TOP2A: variants seen among roughly 807,000 people sequenced by gnomAD.
TOP2A encodes DNA topoisomerase II alpha.
In TOP2A, 68 loss-of-function variants were observed where a neutral mutation model predicts 187.2. The observed-to-expected ratio is 0.36, with a 90% CI of 0.30 to 0.44. TOP2A has a LOEUF of 0.44. Ranked by LOEUF, TOP2A falls within the 20% of genes least tolerant of loss-of-function variation. The pLI, the probability that TOP2A is intolerant of heterozygous loss-of-function variation, is 1.00. For synonymous variants in TOP2A, 542 were observed against 593.2 expected (o/e 0.91, Z 1.25); for missense variants, 1,196 against 1,808.7 (o/e 0.66, Z 6.14).
rs778816213 is a variant in TOP2A, at chr17:40,396,431, A to G, written c.3572T>C (p.Val1191Ala). Reference sequence around the variant, plus strand: ...CTTCCCCCCTTTCCCAGGAAGTCCGACTTGTTCATCTTGTTTTTCCTTGGC... The same window carrying G: ...CTTCCCCCCTTTCCCAGGAAGTCCGGCTTGTTCATCTTGTTTTTCCTTGGC... ...VEAKEKQDEQ[V>A]GLPGKGGKAK... The change falls in exon 28 of 35, where the codon GTC (valine) becomes GCC (alanine). Residue 1191 changes from valine (V) to alanine (A), a missense_variant. By Grantham distance (64) the Val-to-Ala change is moderately conservative. Around this residue, in one of 10 missense-constraint regions of TOP2A, gnomAD observed 374 missense variants for 403.3 expected, o/e 0.93. Transcript: ENST00000423485. The G allele has an allele frequency of 1.9e-6, 3 of 1,613,832 alleles. No homozygotes were observed. The highest frequency in any genetic ancestry group is 2.5e-6 in the Non-Finnish European group (3 of 1,179,826).
intron 19 of TOP2A, 102 bp downstream of exon 19, chr17:40,404,050 C>G (rs1241219552): frequency 7.0e-7 from 1 of 1,434,052 alleles, no homozygotes; most frequent in Non-Finnish European, 9.3e-7. Context: ...TTGTTCTTTA[C>G]TATGAATATA....
At chr17:40,409,563 A>T (rs1240152262) in intron 10 of TOP2A, 5 of 402,544 alleles carry the variant, frequency 1.2e-5, no homozygotes, top group Non-Finnish European at 2.4e-5. Flanking sequence ...GTTCAAGACC[A>T]GCCTGGCCAA....
At chr17:40,400,480 G>T (rs778353666) in intron 22 of TOP2A, 49 bp downstream of exon 22, 7 of 1,600,726 alleles carry the variant, frequency 4.4e-6, no homozygotes. Context: ...TAGTACAAAA[G>T]GTATTTCTTT....
At position 40,413,295 on chromosome 17, in the gene TOP2A, G is replaced by A; in HGVS notation, c.479-3C>T. ...GGCTCCATAGCCATTTCGACCACCTGGGCAAATAAATATGAAACACTATTT... is the reference window on the plus strand; with the variant it reads ...GGCTCCATAGCCATTTCGACCACCTAGGCAAATAAATATGAAACACTATTT... On this transcript the variant is annotated splice_region_variant and splice_polypyrimidine_tract_variant and intron_variant, in intron 5 of 34. Transcript: ENST00000423485. 1 of 1,552,092 alleles carries A rather than the reference G, an allele frequency of 6.4e-7. No individual in the cohort carries two copies. The highest frequency in any genetic ancestry group is 8.7e-7 in the Non-Finnish European group (1 of 1,146,854).
intron 29 of TOP2A, among the ~76,000 whole-genome samples, chr17:40,393,326 CAAAAAAAGAA>C (rs1022969219): frequency 7.5e-5 from 11 of 146,128 alleles, no homozygotes; most frequent in East Asian, 6.0e-4. Context: ...AATCTTGTCT[CAAAAAAAGAA>C]AAAAAAAGAA....
chr17:40,390,307 G>C lies in TOP2A; in HGVS notation c.4268-143C>G, dbSNP rs2035006534. ...GGGTTCAAGCGATTCTCCTGCCTCA[G>C]CCTCCTGAGTAGCTGGGATTACAGG... On this transcript the variant is annotated intron_variant, in intron 33 of 34. Coordinates refer to ENST00000423485, the MANE Select transcript of TOP2A (RefSeq NM_001067.4). 5 of 740,922 alleles carry C rather than the reference G, an allele frequency of 6.7e-6. No homozygotes were observed. In the Admixed American group the frequency reaches 1.3e-4, roughly 19 times the overall value. The allele number at this position is 740,922 out of a possible 1,614,324, so 45.9% of individuals were successfully genotyped here.
At position 40,408,515 on chromosome 17, in the gene TOP2A, T is replaced by C; in HGVS notation, c.1319A>G (p.Lys440Arg). The C allele has an allele frequency of 6.2e-7, 1 of 1,613,442 alleles. No homozygotes were observed. Among genetic ancestry groups the C allele is most frequent in the Non-Finnish European group, 8.5e-7 (1 of 1,179,730 alleles). Reference protein sequence around the residue: ...VKHNRIKGIPKLDDANDAGGR... With the variant: ...VKHNRIKGIPRLDDANDAGGR... ...ACCTGCATCATTGGCATCATCGAGTTTGGGAATTCCCTTGATTCTATTATG... is the reference window on the plus strand; with the variant it reads ...ACCTGCATCATTGGCATCATCGAGTCTGGGAATTCCCTTGATTCTATTATG... Residue 440 changes from lysine to arginine, a missense_variant, in exon 11 of 35, where the codon AAA becomes AGA. Physicochemically the swap from Lys to Arg is conservative, Grantham distance 26. Coordinates refer to ENST00000423485, the MANE Select transcript of TOP2A (RefSeq NM_001067.4).
chr17:40,392,239 G>C lies in TOP2A; in HGVS notation c.4067C>G (p.Pro1356Arg). Reference protein sequence around the residue: ...EDFVPSDASPPKTKTSPKLSN... With the variant: ...EDFVPSDASPRKTKTSPKLSN... ...TTGCTTTGGGGAAGTTTTGGTCTTA[G>C]GTGGACTAGCATCTGATGGGACAAA... Residue 1356 changes from proline to arginine, a missense_variant, in exon 31 of 35, where the codon CCT (proline) becomes CGT (arginine). Pro to Arg is a moderately radical substitution (Grantham distance 103). Coordinates refer to ENST00000423485, the MANE Select transcript of TOP2A (RefSeq NM_001067.4). The C allele has an allele frequency of 1.9e-6, 3 of 1,613,310 alleles. No homozygotes were observed. Among genetic ancestry groups the C allele is most frequent in the Non-Finnish European group, 2.5e-6 (3 of 1,179,588 alleles).
At chr17:40,412,677 TG>T in intron 7 of TOP2A, 81 bp downstream of exon 7, 1 of 1,105,918 alleles carries the variant, frequency 9.0e-7, no homozygotes, top group Non-Finnish European at 1.3e-6. Context: ...CAAAAACATA[TG>T]GGAGGGGAAA....
At chr17:40,413,130 A>G (rs1366244528) in intron 6 of TOP2A, 65 bp downstream of exon 6, 1 of 1,326,334 alleles carries the variant, frequency 7.5e-7, no homozygotes. Context: ...CCAATCATTA[A>G]TGCCATTATA....
At chr17:40,391,901 A>G in intron 32 of TOP2A, 167 bp downstream of exon 32, 1 of 816,244 alleles carries the variant, frequency 1.2e-6, no homozygotes, top group Non-Finnish European at 1.9e-6. Flanking sequence ...TGCAGTACCT[A>G]TTTACATGTG....
chr17:40,404,417 T>G lies in TOP2A; in HGVS notation c.2121A>C (p.Ser707=). ...DFINKELILF[S]NSDNERSIPS... The stretch of plus-strand genomic sequence containing the variant: ...GGATAGATCTCTCGTTATCAGAATT[T>G]GAGAACAAGATAAGTTCCTTGTTGA... Residue 707 remains serine (S), a synonymous_variant, in exon 18 of 35, where the codon TCA becomes TCC. Transcript: ENST00000423485. 1 of 1,612,098 alleles carries G rather than the reference T, an allele frequency of 6.2e-7. No homozygotes were observed. The highest frequency in any genetic ancestry group is 8.5e-7 in the Non-Finnish European group (1 of 1,178,504).
Position 40,392,272 on chromosome 17 carries a change from T to A in TOP2A, c.4034A>T (p.Asp1345Val). 3 of 1,612,084 alleles carry A rather than the reference T, an allele frequency of 1.9e-6. No individual in the cohort carries two copies. The highest frequency in any genetic ancestry group is 1.7e-6 in the Non-Finnish European group (2 of 1,178,964). Residue 1345 changes from aspartate to valine, a missense_variant, in exon 31 of 35, where the codon GAT becomes GTT. This residue lies in a region of TOP2A where 374 missense variants were observed against 403.3 expected (regional missense o/e 0.93). Transcript: ENST00000423485. Reference sequence around the variant, plus strand: ...AGCATCTGATGGGACAAAATCTTCATCATCAGTTTTTTCATCAAAATCTGA... The same window carrying A: ...AGCATCTGATGGGACAAAATCTTCAACATCAGTTTTTTCATCAAAATCTGA... ...DFSDFDEKTDDEDFVPSDASP... is the reference protein window; with the variant it reads ...DFSDFDEKTDVEDFVPSDASP...
chr17:40,407,036 G>T, intron 13 of TOP2A, 94 bp from the exon 14 acceptor site: 1 of 993,442 alleles, frequency 1.0e-6, no homozygotes, highest in Non-Finnish European at 1.5e-6. Context: ...GGCCGAGGCA[G>T]GCGGATCGCC....
In TOP2A at chr17:40,389,762, A is replaced by T. The variant is rs550692280; in HGVS notation, c.4468-115T>A. ...GGAGTTTTCTATTTTCTACCAAGTA[A>T]TAAGAAGCAGATCTAAGGCCAACTC... On this transcript the variant is annotated intron_variant, in intron 34 of 34. Transcript: ENST00000423485. The T allele has an allele frequency of 2.4e-4, 339 of 1,394,182 alleles. 6 individuals are homozygous for T. In the South Asian group the frequency reaches 4.6e-3, roughly 19 times the overall value. 86.4% of individuals were successfully genotyped at this position (1,394,182 alleles called of 1,614,324 possible). A position where few individuals can be genotyped will look rare whatever the true frequency, so the allele number is the denominator to read the frequency against.
chr17:40,414,854 CAAAAAAAAAA>C (rs531134947), intron 4 of TOP2A, among the ~76,000 whole-genome samples: 2 of 47,630 alleles, frequency 4.2e-5, no homozygotes, highest in Admixed American at 2.3e-4. Context: ...AAAACTCCAT[CAAAAAAAAAA>C]AAAAAAAAAA....
At chr17:40,402,769 TA>T in intron 20 of TOP2A, 136 bp downstream of exon 20, 1 of 849,608 alleles carries the variant, frequency 1.2e-6, no homozygotes, top group Non-Finnish European at 1.8e-6. Flanking sequence ...CTTTCCTGTA[TA>T]AGCCTCACCC....
At position 40,400,295 on chromosome 17, in the gene TOP2A, T is replaced by A. The variant is rs760804206; in HGVS notation, c.2914A>T (p.Met972Leu). The A allele has an allele frequency of 3.7e-6, 6 of 1,613,884 alleles. No individual in the cohort carries two copies. The highest frequency in any genetic ancestry group is 5.1e-6 in the Non-Finnish European group (6 of 1,179,858). ...TDTTVKFVVK[M>L]TEEKLAEAER... ...GCCTCTGCCAGTTTTTCTTCAGTCA[T>A]CTTCACAACAAATTTCACAGTGGTA... Residue 972 changes from methionine to leucine, a missense_variant, in exon 23 of 35, where the codon ATG (methionine) becomes TTG (leucine). Met to Leu is a conservative substitution (Grantham distance 15). Transcript: ENST00000423485.
At position 40,417,753 on chromosome 17, in the gene TOP2A, C is replaced by G. The variant is rs201408044; in HGVS notation, c.21+18G>C. On this transcript the variant is annotated intron_variant, in intron 1 of 34. Transcript: ENST00000423485. ...GCCGCGCGGAGGCTCCACCGCCAGTCCCCCCCGCGAGCCGTACCTGCAATG... is the reference window on the plus strand; with the variant it reads ...GCCGCGCGGAGGCTCCACCGCCAGTGCCCCCCGCGAGCCGTACCTGCAATG... 14 of 1,611,732 alleles carry G rather than the reference C, an allele frequency of 8.7e-6. No homozygotes were observed. Among genetic ancestry groups the G allele is most frequent in the East Asian group, 6.7e-5 (3 of 44,830 alleles).
Sources: gnomAD v4.1 joint callset for allele counts (sites outside exome capture counted in the v4.1 genomes callset) on GRCh38, gnomAD v4.1.1 for gene constraint, gnomAD v4.1.1 regional missense constraint, MANE v1.5 for transcripts, NCBI Gene and HGNC (gene_info 2026-07-23, HGNC 2026-07-21) for gene names.